OTUD7A: variants seen among roughly 807,000 people sequenced by gnomAD.
OTUD7A encodes the protein OTU deubiquitinase 7A, also known as OTU domain-containing protein 7A.
A neutral mutation model predicts 65.7 loss-of-function variants in OTUD7A; 12 were observed. That is an observed-to-expected ratio of 0.18 (90% CI 0.12 to 0.30). The LOEUF (loss-of-function observed/expected upper bound fraction) is 0.30, where lower values mean the gene tolerates loss of function less well. OTUD7A is among the 10% of genes least tolerant of loss of function. The pLI, the probability that OTUD7A is intolerant of heterozygous loss-of-function variation, is 1.00. For synonymous variants in OTUD7A, 641 were observed against 586.3 expected, an observed-to-expected ratio of 1.09 and a Z score of -1.35; for missense variants, 1,148 against 1,304.8, an observed-to-expected ratio of 0.88 and a Z score of 1.85.
At chr15:31,708,279 G>C (rs1011578832) in intron 1 of OTUD7A, among the ~76,000 whole-genome samples, 2 of 152,204 alleles carry the variant, frequency 1.3e-5, no homozygotes, top group African/African-American at 4.8e-5. Flanking sequence ...TTAATGGTGA[G>C]AGCATGGATC....
chr15:31,630,273 G>C (rs978092759), intron 3 of OTUD7A, among the ~76,000 whole-genome samples: 12 of 149,350 alleles, frequency 8.0e-5, no homozygotes, highest in Non-Finnish European at 1.3e-4. Flanking sequence ...ATGTGTCCCA[G>C]AGATTCTGGT....
chr15:31,510,394 T>C (rs998912960), intron 8 of OTUD7A, among the ~76,000 whole-genome samples: 9 of 150,862 alleles, frequency 6.0e-5, no homozygotes, highest in African/African-American at 2.2e-4. Flanking sequence ...TTTTTCCCCT[T>C]CCCCTAGAGG....
At chr15:31,811,269 T>A (rs1380443420) in intron 1 of OTUD7A, among the ~76,000 whole-genome samples, 1 of 151,886 alleles carries the variant, frequency 6.6e-6, no homozygotes, top group Non-Finnish European at 1.5e-5. Context: ...GTTTAGGAAA[T>A]GAATTATTGA....
At chr15:31,610,617 A>ATATATATATATATTTTTTTTTTTTTTTTT in intron 3 of OTUD7A, among the ~76,000 whole-genome samples, 1 of 30,562 alleles carries the variant, frequency 3.3e-5, no homozygotes, top group Non-Finnish European at 4.9e-5. Context: ...ATATATATAT[A>ATATATATATATATTTTTTTTTTTTTTTTT]TTTTTTTTTT....
chr15:31,485,663 G>A (rs529304281), intron 12 of OTUD7A, among the ~76,000 whole-genome samples: 107 of 152,308 alleles, frequency 7.0e-4, no homozygotes, highest in Middle Eastern at 3.4e-3. Flanking sequence ...AATTCTGACC[G>A]AGTGTCATTG....
intron 1 of OTUD7A, among the ~76,000 whole-genome samples, chr15:31,739,839 T>G (rs1894291319): frequency 6.6e-6 from 1 of 152,214 alleles, no homozygotes; most frequent in Non-Finnish European, 1.5e-5. Context: ...CCCAAAGTGC[T>G]GGGATTAAAG....
chr15:31,590,614 T>G (rs562684071), intron 3 of OTUD7A, among the ~76,000 whole-genome samples: 1 of 152,336 alleles, frequency 6.6e-6, no homozygotes, highest in Admixed American at 6.5e-5. Context: ...TAAAAGAATA[T>G]GTACTTACAG....
chr15:31,732,247 T>G (rs1894064123), intron 1 of OTUD7A, among the ~76,000 whole-genome samples: 1 of 152,250 alleles, frequency 6.6e-6, no homozygotes, highest in Non-Finnish European at 1.5e-5. Context: ...TGCATTCTAC[T>G]GTCATAAGAG....
intron 3 of OTUD7A, among the ~76,000 whole-genome samples, chr15:31,646,353 G>A (rs1041569903): frequency 3.3e-5 from 5 of 152,144 alleles, no homozygotes; most frequent in Admixed American, 2.0e-4. Flanking sequence ...CAAGAAAGAC[G>A]CTGGGATGAA....
intron 1 of OTUD7A, chr15:31,767,096 C>T: frequency 6.4e-7 from 1 of 1,553,130 alleles, no homozygotes; most frequent in South Asian, 1.2e-5. Context: ...TGTAGTCTCT[C>T]AGTAGAATCT....
intron 3 of OTUD7A, among the ~76,000 whole-genome samples, chr15:31,651,977 A>G (rs1000208425): frequency 1.4e-5 from 2 of 147,570 alleles, no homozygotes; most frequent in African/African-American, 5.1e-5. Context: ...AGGTAAGCAG[A>G]TCCTAAAGTT....
intron 12 of OTUD7A, among the ~76,000 whole-genome samples, chr15:31,485,187 G>A (rs2041219433): frequency 6.6e-6 from 1 of 152,212 alleles, no homozygotes; most frequent in South Asian, 2.1e-4. Context: ...TCCCAGGCTG[G>A]CCTCTGTAAG....
chr15:31,545,016 G>A (rs1888089265), intron 5 of OTUD7A, among the ~76,000 whole-genome samples: 1 of 151,804 alleles, frequency 6.6e-6, no homozygotes, highest in African/African-American at 2.4e-5. Context: ...CAGTGATTAA[G>A]CAACATATTT....
intron 1 of OTUD7A, among the ~76,000 whole-genome samples, chr15:31,673,235 T>C (rs141576798): frequency 4.0e-4 from 61 of 152,322 alleles, no homozygotes; most frequent in African/African-American, 1.3e-3. Flanking sequence ...AGTTAGAAAA[T>C]CCTAAGTCCA....
intron 1 of OTUD7A, among the ~76,000 whole-genome samples, chr15:31,679,368 G>A (rs112762721): frequency 0.013 from 2,015 of 152,286 alleles, 50 homozygotes; most frequent in African/African-American, 0.046. Flanking sequence ...GTGAGAACAT[G>A]AGATTTGATT....
At chr15:31,855,301 A>C (rs1404969226) in intron 1 of OTUD7A, among the ~76,000 whole-genome samples, 2 of 152,236 alleles carry the variant, frequency 1.3e-5, no homozygotes, top group East Asian at 1.9e-4. Flanking sequence ...CTCTGTGCTA[A>C]AAGACAGGAG....
intron 3 of OTUD7A, among the ~76,000 whole-genome samples, chr15:31,591,992 C>T (rs1889739357): frequency 6.6e-6 from 1 of 152,114 alleles, no homozygotes; most frequent in Non-Finnish European, 1.5e-5. Flanking sequence ...TGCATCTAAA[C>T]ATGTCTAAAA....
At chr15:31,757,486 CA>C (rs2140899702) in intron 1 of OTUD7A, among the ~76,000 whole-genome samples, 1 of 152,010 alleles carries the variant, frequency 6.6e-6, no homozygotes, top group African/African-American at 2.4e-5. Flanking sequence ...GTCAAGAGGA[CA>C]ACTGCAATAT....
Position 31,569,986 on chromosome 15 carries a change from G to A in OTUD7A, c.331+32C>T, listed in dbSNP as rs60587989. ...CAAGCTGCGGTGCACTGGCCTGGGCGGCTGTGCCTAGGCTCAGTCCCTCAG... is the reference window on the plus strand; with the variant it reads ...CAAGCTGCGGTGCACTGGCCTGGGCAGCTGTGCCTAGGCTCAGTCCCTCAG... On this transcript the variant is annotated intron_variant, in intron 4 of 12. Transcript: ENST00000307050. The A allele has an allele frequency of 6.4e-3, 10,337 of 1,609,834 alleles. 577 individuals carry two copies. The African/African-American group carries it at 0.12, about 19-fold the overall frequency.
Sources: gnomAD v4.1 joint callset for allele counts (sites outside exome capture counted in the v4.1 genomes callset) on GRCh38, gnomAD v4.1.1 for gene constraint, MANE v1.5 for transcripts, NCBI Gene and HGNC (gene_info 2026-07-23, HGNC 2026-07-21) for gene names.